TENM3: variants seen among roughly 807,000 people sequenced by gnomAD.
The protein encoded by TENM3 is teneurin-3.
In TENM3, 63 loss-of-function variants were observed where a neutral mutation model predicts 255.1. The observed-to-expected ratio is 0.25, with a 90% CI of 0.20 to 0.30. TENM3 has a LOEUF of 0.30. Ranked by LOEUF, TENM3 falls within the 10% of genes least tolerant of loss-of-function variation. TENM3 has a pLI of 1.00. For missense variants in TENM3, 2,929 were observed against 3,461.1 expected (o/e 0.85, Z 3.86); for synonymous variants, 1,306 against 1,322.3 (o/e 0.99, Z 0.27).
At chr4:182,053,141 C>T in the TENM3 span, among the ~76,000 whole-genome samples, 8 of 152,036 alleles carry the variant, frequency 5.3e-5, no homozygotes, top group Non-Finnish European at 1.2e-4. Flanking sequence ...TTTCTATGAC[C>T]AGATGAGATG....
At position 182,684,787 on chromosome 4, in the gene TENM3, C is replaced by T. The variant is rs561425806; in HGVS notation, c.2035+2773C>T. On this transcript the variant is annotated intron_variant, in intron 11 of 27. Coordinates refer to ENST00000511685, the MANE Select transcript of TENM3 (RefSeq NM_001080477.4). ...TTAAAGCAGTGATTGGACATGGTTC[C>T]CTAAATGTGAAAGTTATGAAATGCA... Among the ~76,000 whole-genome samples, 24 of 152,222 alleles carry T rather than the reference C, an allele frequency of 1.6e-4. 1 individual carries two copies. In the South Asian group the frequency reaches 4.3e-3, roughly 28 times the overall value.
At chr4:181,726,396 A>G in the TENM3 span, among the ~76,000 whole-genome samples, 3 of 152,156 alleles carry the variant, frequency 2.0e-5, no homozygotes, top group Non-Finnish European at 2.9e-5. Context: ...TATACGCTTT[A>G]TACTAACACT....
At chr4:181,885,853 G>A in the TENM3 span, among the ~76,000 whole-genome samples, 1 of 152,112 alleles carries the variant, frequency 6.6e-6, no homozygotes. Flanking sequence ...CATTCTTAGA[G>A]ATAAAACATT....
the TENM3 span, among the ~76,000 whole-genome samples, chr4:181,652,937 A>AT: frequency 6.6e-6 from 1 of 152,298 alleles, no homozygotes; most frequent in Middle Eastern, 3.4e-3. Context: ...CTTTTGTGAA[A>AT]TTTTTTTAAA....
intron 3 of TENM3, among the ~76,000 whole-genome samples, chr4:182,434,821 G>A (rs1309287239): frequency 6.6e-6 from 1 of 152,092 alleles, no homozygotes; most frequent in Non-Finnish European, 1.5e-5. Context: ...TAGAGGACCG[G>A]TAATCTTTGC....
At chr4:182,468,030 A>G (rs1034628268) in intron 3 of TENM3, among the ~76,000 whole-genome samples, 1 of 152,166 alleles carries the variant, frequency 6.6e-6, no homozygotes, top group African/African-American at 2.4e-5. Context: ...GATCTTACCT[A>G]TGAAACTTAA....
chr4:181,702,921 T>G, the TENM3 span, among the ~76,000 whole-genome samples: 932 of 152,104 alleles, frequency 6.1e-3, 11 homozygotes, highest in African/African-American at 0.022. Context: ...CCCTGGCCAG[T>G]ATGAAAAAAA....
At chr4:181,854,716 G>T in the TENM3 span, among the ~76,000 whole-genome samples, 2 of 152,264 alleles carry the variant, frequency 1.3e-5, no homozygotes, top group South Asian at 2.1e-4. Flanking sequence ...TAGGGCCCAA[G>T]AAGTCAATCC....
intron 2 of TENM3, among the ~76,000 whole-genome samples, chr4:182,325,739 A>T (rs375669486): frequency 6.6e-5 from 10 of 151,696 alleles, no homozygotes; most frequent in Middle Eastern, 3.2e-3. Flanking sequence ...CCTGTTGGAA[A>T]ACGAAAAAAA....
the TENM3 span, among the ~76,000 whole-genome samples, chr4:181,998,100 T>C: frequency 6.6e-6 from 1 of 152,324 alleles, no homozygotes. Flanking sequence ...CGCTGGTGAC[T>C]TGTGAGATAT....
At chr4:182,517,545 G>T (rs1479144214) in intron 3 of TENM3, among the ~76,000 whole-genome samples, 2 of 146,540 alleles carry the variant, frequency 1.4e-5, no homozygotes, top group Admixed American at 1.4e-4. Flanking sequence ...TACCACGCCC[G>T]GCTAATTTTT....
chr4:182,071,451 T>A, the TENM3 span, among the ~76,000 whole-genome samples: 1 of 147,840 alleles, frequency 6.8e-6, no homozygotes, highest in Non-Finnish European at 1.5e-5. Context: ...TTTCTTTTCT[T>A]TTTTTTTTTT....
chr4:182,549,132 T>C (rs1376720432), intron 3 of TENM3, among the ~76,000 whole-genome samples: 1 of 152,184 alleles, frequency 6.6e-6, no homozygotes, highest in Non-Finnish European at 1.5e-5. Context: ...CTGCAGAAAA[T>C]GTAAATTTCC....
At chr4:182,415,453 T>C (rs1410380194) in intron 3 of TENM3, among the ~76,000 whole-genome samples, 1 of 152,234 alleles carries the variant, frequency 6.6e-6, no homozygotes, top group Non-Finnish European at 1.5e-5. Context: ...ATCTATTAGG[T>C]TGTATACAAA....
At chr4:181,663,261 T>C in the TENM3 span, among the ~76,000 whole-genome samples, 1 of 152,170 alleles carries the variant, frequency 6.6e-6, no homozygotes, top group Non-Finnish European at 1.5e-5. Flanking sequence ...GGTTTCCTTC[T>C]GGGTTTGCCT....
chr4:181,734,843 C>T, the TENM3 span, among the ~76,000 whole-genome samples: 1 of 152,192 alleles, frequency 6.6e-6, no homozygotes, highest in East Asian at 1.9e-4. Context: ...TGCATAGGTT[C>T]TATGGGAATG....
At chr4:182,089,852 A>G in the TENM3 span, among the ~76,000 whole-genome samples, 24 of 152,198 alleles carry the variant, frequency 1.6e-4, no homozygotes, top group Middle Eastern at 3.2e-3. Flanking sequence ...GATTTTACCA[A>G]TGCTACCAAA....
chr4:182,219,865 T>C (rs1755743199), intron 1 of TENM3, among the ~76,000 whole-genome samples: 1 of 152,206 alleles, frequency 6.6e-6, no homozygotes, highest in East Asian at 1.9e-4. Context: ...GGAAGGCAAA[T>C]CACCTCTGTT....
At chr4:181,595,444 A>ACAAAAAAC in the TENM3 span, among the ~76,000 whole-genome samples, 11 of 129,582 alleles carry the variant, frequency 8.5e-5, no homozygotes, top group African/African-American at 2.9e-4. Context: ...AAAAAAAAAA[A>ACAAAAAAC]AAAAAAAAAA....
Sources: gnomAD v4.1 joint callset for allele counts (sites outside exome capture counted in the v4.1 genomes callset) on GRCh38, gnomAD v4.1.1 for gene constraint, MANE v1.5 for transcripts, NCBI Gene and HGNC (gene_info 2026-07-23, HGNC 2026-07-21) for gene names.